The following CRYL1 variants were observed in gnomAD, a reference collection of about 807,000 sequenced individuals.
CRYL1 encodes lambda-crystallin homolog.
A neutral mutation model predicts 36.6 loss-of-function variants in CRYL1; 29 were observed. The ratio of observed to expected loss-of-function variants is 0.79; its 90% CI spans 0.59 to 1.08. The LOEUF is 1.08. Among genes scored for constraint, CRYL1 ranks in the 50% least tolerant of loss-of-function variants. The probability of loss-of-function intolerance (pLI) is 0.00; values close to 1 mark genes in which losing one functional copy is unlikely to be tolerated. For synonymous variants in CRYL1, 152 were observed against 151.5 expected (o/e 1.00, Z -0.02); for missense variants, 411 against 407.9 (o/e 1.01, Z -0.06).
chr13:20,474,637 T>C (rs915474449), intron 3 of CRYL1, among the ~76,000 whole-genome samples: 1 of 151,980 alleles, frequency 6.6e-6, no homozygotes, highest in African/African-American at 2.4e-5. Context: ...TGGGAAGAAA[T>C]AAAATGCTCC....
intron 4 of CRYL1, among the ~76,000 whole-genome samples, chr13:20,436,494 C>A (rs768078583): frequency 1.3e-5 from 2 of 152,196 alleles, no homozygotes; most frequent in African/African-American, 4.8e-5. Flanking sequence ...TCGGGAGTCA[C>A]TGCCACGAGG....
chr13:20,412,979 C>T (rs2031560931), intron 6 of CRYL1, among the ~76,000 whole-genome samples: 1 of 152,176 alleles, frequency 6.6e-6, no homozygotes, highest in African/African-American at 2.4e-5. Context: ...TACCACTTTC[C>T]CTTCTGCCAG....
Position 20,435,243 on chromosome 13 carries a change from C to T in CRYL1, c.439-2947G>A, listed in dbSNP as rs1190497592. 6.6e-6 allele frequency among the ~76,000 whole-genome samples: 1 copy of T among 152,176 alleles called. No homozygotes were observed. The highest frequency in any genetic ancestry group is 2.4e-5 in the African/African-American group (1 of 41,434). ...TTATGTATATTTTACCACAATTATACATTTTAAAAGTAAAAAACAGGACTT... is the reference window on the plus strand; with the variant it reads ...TTATGTATATTTTACCACAATTATATATTTTAAAAGTAAAAAACAGGACTT... On this transcript the variant is annotated intron_variant, in intron 4 of 7. Transcript: ENST00000298248. The surrounding 1 kb of genome is among the most constrained non-coding windows in gnomAD (Gnocchi z 4.0).
chr13:20,407,753 T>G (rs538342980), intron 6 of CRYL1, among the ~76,000 whole-genome samples: 2 of 152,094 alleles, frequency 1.3e-5, no homozygotes, highest in South Asian at 4.2e-4. Flanking sequence ...AGACAAAGAG[T>G]AGAAAAAAGA....
At chr13:20,414,552 T>C (rs1348257265) in intron 5 of CRYL1, among the ~76,000 whole-genome samples, 3 of 152,180 alleles carry the variant, frequency 2.0e-5, no homozygotes, top group Non-Finnish European at 4.4e-5. Flanking sequence ...AGGCTTCACA[T>C]GCCTGCAAGT....
chr13:20,460,758 A>G lies in CRYL1; in HGVS notation c.277-21004T>C, dbSNP rs9578282. 6.0e-3 allele frequency among the ~76,000 whole-genome samples: 911 copies of G among 152,082 alleles called. 4 individuals carry two copies. The highest frequency in any genetic ancestry group is 0.01 in the Middle Eastern group (3 of 294). ...GCCAGAATGGTCTCGATCTCCTGACATCGTGATCTGCCCGTCTCCGCCTCC... is the reference window on the plus strand; with the variant it reads ...GCCAGAATGGTCTCGATCTCCTGACGTCGTGATCTGCCCGTCTCCGCCTCC... On this transcript the variant is annotated intron_variant, in intron 3 of 7. Coordinates refer to ENST00000298248, the MANE Select transcript of CRYL1 (RefSeq NM_015974.3).
chr13:20,432,160 C>A lies in CRYL1; in HGVS notation c.575G>T (p.Gly192Val). ...ATATTGCAGGCGGTTCAGAACGAAG[C>A]CGGCCACCTCCTTCTGGACTCGCAT... ...CPMRVQKEVA[G>V]FVLNRLQYAI... is the part of the protein sequence containing the mutation. The change falls in exon 5 of 8, where the codon GGC (glycine) becomes GTC (valine). Residue 192 changes from glycine to valine, a missense_variant. Coordinates refer to ENST00000298248, the MANE Select transcript of CRYL1 (RefSeq NM_015974.3). 1.2e-6 allele frequency: 2 copies of A among 1,614,128 alleles called. No homozygotes were observed. Among genetic ancestry groups the A allele is most frequent in the Non-Finnish European group, 1.7e-6 (2 of 1,180,030 alleles).
chr13:20,504,302 C>CTTTTTTTTTTT (rs757657892), intron 2 of CRYL1, among the ~76,000 whole-genome samples: 48 of 128,472 alleles, frequency 3.7e-4, no homozygotes, highest in Non-Finnish European at 4.6e-4. Flanking sequence ...CTTTTCTTTT[C>CTTTTTTTTTTT]TTTTTTTTTT....
At chr13:20,417,851 AC>A (rs2031709260) in intron 5 of CRYL1, among the ~76,000 whole-genome samples, 1 of 152,238 alleles carries the variant, frequency 6.6e-6, no homozygotes, top group Non-Finnish European at 1.5e-5. Flanking sequence ...CTGCTATGAA[AC>A]AAATGTTAAG....
chr13:20,445,836 G>A (rs965125445), intron 3 of CRYL1, among the ~76,000 whole-genome samples: 1 of 152,208 alleles, frequency 6.6e-6, no homozygotes, highest in Non-Finnish European at 1.5e-5. Flanking sequence ...CTTATCATAA[G>A]AGAATCAAGG....
At chr13:20,449,372 A>G (rs560584938) in intron 3 of CRYL1, among the ~76,000 whole-genome samples, 92 of 152,302 alleles carry the variant, frequency 6.0e-4, no homozygotes, top group Non-Finnish European at 6.6e-4. Flanking sequence ...TTTAAATCCT[A>G]TGGTTATTAC....
At chr13:20,524,058 C>G (rs867976789) in intron 1 of CRYL1, among the ~76,000 whole-genome samples, 1 of 152,120 alleles carries the variant, frequency 6.6e-6, no homozygotes, top group Non-Finnish European at 1.5e-5. Flanking sequence ...CAAGACCAAC[C>G]AGGGCAAGAT....
At chr13:20,437,216 GAAAGGTCC>G (rs2032241095) in intron 4 of CRYL1, among the ~76,000 whole-genome samples, 2 of 152,090 alleles carry the variant, frequency 1.3e-5, no homozygotes, top group South Asian at 4.1e-4. Context: ...GAAAGAAAGG[GAAAGGTCC>G]AAAGATGGCT....
chr13:20,439,516 A>C (rs2032305780), intron 4 of CRYL1, 77 bp downstream of exon 4: 45 of 125,286 alleles, frequency 3.6e-4, no homozygotes, highest in Middle Eastern at 1.2e-3. Context: ...CTCCCCCGCA[A>C]AAAAAAAAAA....
At chr13:20,486,600 GA>G (rs2033405828) in intron 3 of CRYL1, among the ~76,000 whole-genome samples, 1 of 152,064 alleles carries the variant, frequency 6.6e-6, no homozygotes, top group Non-Finnish European at 1.5e-5. Flanking sequence ...AATTTCTGAA[GA>G]ATATAAACTC....
intron 6 of CRYL1, among the ~76,000 whole-genome samples, chr13:20,412,744 G>A (rs2031556322): frequency 6.6e-6 from 1 of 152,108 alleles, no homozygotes; most frequent in Admixed American, 6.5e-5. Context: ...CAAGCCTTCT[G>A]GAGGCAGCGT....
At chr13:20,447,522 C>G (rs998965971) in intron 3 of CRYL1, among the ~76,000 whole-genome samples, 11 of 152,076 alleles carry the variant, frequency 7.2e-5, no homozygotes, top group African/African-American at 2.4e-4. Flanking sequence ...CCACCACCCC[C>G]CCTCCCTAGG....
At position 20,415,201 on chromosome 13, in the gene CRYL1, G is replaced by A. The variant is rs1189657396; in HGVS notation, c.634-1814C>T. ...CCCAGAAGGCCGTCTCCAAGCTGGG[G>A]GCTTGCTCCGCCCGGAGGGCTCTGC... is the stretch of plus-strand genomic sequence containing the variant. On this transcript the variant is annotated intron_variant, in intron 5 of 7. Transcript: ENST00000298248. This position sits in a 1 kb window ranked among gnomAD's most constrained non-coding sequence, Gnocchi z 4.1. Among the ~76,000 whole-genome samples, 1 of 152,190 alleles carries A rather than the reference G, an allele frequency of 6.6e-6. No homozygotes were observed. Among genetic ancestry groups the A allele is most frequent in the Non-Finnish European group, 1.5e-5 (1 of 68,020 alleles).
At position 20,521,956 on chromosome 13, in the gene CRYL1, G is replaced by A. The variant is rs558771462; in HGVS notation, c.41+3798C>T. Among the ~76,000 whole-genome samples the A allele has an allele frequency of 3.3e-5, 5 of 152,234 alleles. No homozygotes were observed. In the South Asian group the frequency reaches 1.0e-3, roughly 32 times the overall value. ...TGTCTAAGCTGACTCAAAAGGCAAG[G>A]AGGGCATCCTAGGGTTTGCTGTGTA... On this transcript the variant is annotated intron_variant, in intron 1 of 7. Coordinates refer to ENST00000298248, the MANE Select transcript of CRYL1 (RefSeq NM_015974.3).
Sources: allele counts gnomAD v4.1 joint callset (sites outside exome capture counted in the v4.1 genomes callset), GRCh38; gene constraint gnomAD v4.1.1; non-coding constraint Gnocchi (gnomAD v3.1); transcripts MANE v1.5; gene names NCBI Gene and HGNC (gene_info 2026-07-23, HGNC 2026-07-21).